KCNN3: variants seen among roughly 807,000 people sequenced by gnomAD.
KCNN3 encodes the protein potassium calcium-activated channel subfamily N member 3, also known as small conductance calcium-activated potassium channel protein 3.
KCNN3 carries 16 observed loss-of-function variants against 62.9 expected under a neutral mutation model. The observed-to-expected ratio is 0.25, with a 90% confidence interval of 0.17 to 0.39. KCNN3 has a LOEUF of 0.39. KCNN3 is among the 10% of genes least tolerant of loss of function. KCNN3 has a pLI of 1.00. For synonymous variants in KCNN3, 370 were observed against 389.2 expected (o/e 0.95, Z 0.58); for missense variants, 599 against 949.4 (o/e 0.63, Z 4.85).
At chr1:154,736,042 G>A (rs1478234726) in intron 3 of KCNN3, among the ~76,000 whole-genome samples, 2 of 152,200 alleles carry the variant, frequency 1.3e-5, no homozygotes, top group Non-Finnish European at 2.9e-5. Flanking sequence ...ATGTGGTTGA[G>A]GCAGTTTAGC....
intron 2 of KCNN3, among the ~76,000 whole-genome samples, chr1:154,783,530 A>G (rs927521253): frequency 1.3e-5 from 2 of 152,138 alleles, no homozygotes; most frequent in Non-Finnish European, 2.9e-5. Flanking sequence ...GGAAGAGACC[A>G]TCTTAGTTTA....
At chr1:154,843,768 A>G (rs2101914587) in intron 1 of KCNN3, among the ~76,000 whole-genome samples, 1 of 152,320 alleles carries the variant, frequency 6.6e-6, no homozygotes, top group South Asian at 2.1e-4. Flanking sequence ...AGAAAAAGGC[A>G]CTTGGCAATA....
At chr1:154,857,369 G>A (rs115398444) in intron 1 of KCNN3, among the ~76,000 whole-genome samples, 3,649 of 152,278 alleles carry the variant, frequency 0.024, 56 homozygotes, top group Middle Eastern at 0.092. Flanking sequence ...CCAGAGCCCA[G>A]CACGGCACCT....
chr1:154,822,251 GC>G, intron 1 of KCNN3, 67 bp from the exon 2 acceptor site: 1 of 1,228,852 alleles, frequency 8.1e-7, no homozygotes, highest in South Asian at 1.2e-5. Flanking sequence ...TTATTCTGCG[GC>G]TGTGTAAAAG....
chr1:154,801,875 C>T (rs1311592119), intron 2 of KCNN3, among the ~76,000 whole-genome samples: 3 of 152,152 alleles, frequency 2.0e-5, no homozygotes, highest in African/African-American at 7.2e-5. Flanking sequence ...CGGGGCGCGC[C>T]AGGAACGCTC....
At chr1:154,759,794 T>C (rs987939133) in intron 3 of KCNN3, among the ~76,000 whole-genome samples, 5 of 152,164 alleles carry the variant, frequency 3.3e-5, no homozygotes, top group African/African-American at 1.2e-4. Flanking sequence ...AAACCCAGGT[T>C]TGGTGTAATG....
intron 4 of KCNN3, among the ~76,000 whole-genome samples, chr1:154,726,917 T>C (rs1557944707): frequency 6.6e-6 from 1 of 152,170 alleles, no homozygotes; most frequent in Non-Finnish European, 1.5e-5. Flanking sequence ...GGACTCACTT[T>C]CTCTCTCCTA....
chr1:154,761,674 C>T (rs1299738090), intron 3 of KCNN3, among the ~76,000 whole-genome samples: 1 of 152,140 alleles, frequency 6.6e-6, no homozygotes. Context: ...CGCGGTGGCT[C>T]ACGCCTGTAA....
chr1:154,744,044 G>A (rs779612463), intron 3 of KCNN3, among the ~76,000 whole-genome samples: 10 of 152,102 alleles, frequency 6.6e-5, no homozygotes, highest in South Asian at 4.1e-4. Flanking sequence ...CACCCAGCAG[G>A]CCAGCTTCTC....
chr1:154,758,831 G>A (rs969992504), intron 3 of KCNN3, among the ~76,000 whole-genome samples: 3 of 93,954 alleles, frequency 3.2e-5, no homozygotes, highest in Non-Finnish European at 7.5e-5. Context: ...TTTTTGAGAT[G>A]GAGTCTTGCT....
At chr1:154,736,675 T>C (rs562533606) in intron 3 of KCNN3, among the ~76,000 whole-genome samples, 3 of 152,302 alleles carry the variant, frequency 2.0e-5, no homozygotes, top group African/African-American at 7.2e-5. Context: ...ACAGTCCTCC[T>C]TTCCCTGCAA....
chr1:154,785,162 GA>G (rs1457884581), intron 2 of KCNN3, among the ~76,000 whole-genome samples: 2 of 152,196 alleles, frequency 1.3e-5, no homozygotes, highest in Non-Finnish European at 2.9e-5. Flanking sequence ...TTTGACACAT[GA>G]AAGGATCCTG....
intron 2 of KCNN3, among the ~76,000 whole-genome samples, chr1:154,787,070 T>C (rs56282420): frequency 0.12 from 17,959 of 152,258 alleles, 1,123 homozygotes; most frequent in East Asian, 0.23. Context: ...GCCAGCCTCA[T>C]TACCAGATCC....
chr1:154,771,885 A>G, intron 3 of KCNN3, 90 bp downstream of exon 3: 2 of 1,318,220 alleles, frequency 1.5e-6, no homozygotes, highest in South Asian at 1.2e-5. Flanking sequence ...TGTCTCCTCC[A>G]TCAGACCACA....
rs543289878 is a variant in KCNN3 at position 154,839,916 on chromosome 1, G to A, written c.934-17732C>T. ...CCCAGCTGCTAGCTCCTTGCCAGGG[G>A]CAGGGTGGGCAGAGAGGCCTGCAGA... is the stretch of plus-strand genomic sequence containing the variant. On this transcript the variant is annotated intron_variant, in intron 1 of 7. Transcript: ENST00000271915. Among the ~76,000 whole-genome samples, 14 of 152,326 alleles carry A rather than the reference G, an allele frequency of 9.2e-5. No individual in the cohort carries two copies. The South Asian group carries it at 1.5e-3, about 16-fold the overall frequency.
intron 1 of KCNN3, among the ~76,000 whole-genome samples, chr1:154,840,832 A>C (rs1025708399): frequency 1.3e-5 from 2 of 152,138 alleles, no homozygotes; most frequent in Admixed American, 6.5e-5. Flanking sequence ...AGCTCCAAAG[A>C]AGCAGCCCCT....
At chr1:154,734,075 G>T (rs1405788559) in intron 3 of KCNN3, among the ~76,000 whole-genome samples, 1 of 152,200 alleles carries the variant, frequency 6.6e-6, no homozygotes, top group African/African-American at 2.4e-5. Flanking sequence ...AGCAAGGCTT[G>T]CATTTTCCAG....
intron 3 of KCNN3, among the ~76,000 whole-genome samples, chr1:154,734,915 C>G (rs934322673): frequency 1.3e-5 from 2 of 152,120 alleles, no homozygotes; most frequent in Non-Finnish European, 2.9e-5. Flanking sequence ...GAGGCAAAAG[C>G]GACTGGCGTG....
At chr1:154,754,920 G>C (rs1027813659) in intron 3 of KCNN3, among the ~76,000 whole-genome samples, 3 of 152,178 alleles carry the variant, frequency 2.0e-5, no homozygotes, top group Non-Finnish European at 1.5e-5. Context: ...GCAACATGAT[G>C]AGTTTGATCA....
Sources: allele counts gnomAD v4.1 joint callset (sites outside exome capture counted in the v4.1 genomes callset), GRCh38; gene constraint gnomAD v4.1.1; transcripts MANE v1.5; gene names NCBI Gene and HGNC (gene_info 2026-07-23, HGNC 2026-07-21).